RAP1GAP: variants seen among roughly 807,000 people sequenced by gnomAD.
The protein encoded by RAP1GAP is RAP1 GTPase activating protein.
Under a neutral mutation model 87.2 loss-of-function variants are expected in RAP1GAP, and 35 were observed. That is an observed-to-expected ratio of 0.40 (90% CI 0.31 to 0.53). The LOEUF is 0.53. Among genes scored for constraint, RAP1GAP ranks in the 20% least tolerant of loss-of-function variants. RAP1GAP has a pLI of 0.48. For missense variants in RAP1GAP, 734 were observed against 898.9 expected (o/e 0.82, Z 2.35); for synonymous variants, 375 against 363.9 (o/e 1.03, Z -0.35).
At position 21,601,738 on chromosome 1, in the gene RAP1GAP, T is replaced by G; in HGVS notation, c.1598A>C (p.Lys533Thr). 1 of 1,612,368 alleles carries G rather than the reference T, an allele frequency of 6.2e-7. No individual in the cohort carries two copies. Among genetic ancestry groups the G allele is most frequent in the Non-Finnish European group, 8.5e-7 (1 of 1,178,876 alleles). ...GCTCTGAGTGGATGAGTTCTCCGACTTGGGCTCCTGTGAGACGTGCCCGCT... is the reference window on the plus strand; with the variant it reads ...GCTCTGAGTGGATGAGTTCTCCGACGTGGGCTCCTGTGAGACGTGCCCGCT... ...PDSGHVSQEP[K>T]SENSSTQSSP... Residue 533 changes from lysine (K) to threonine (T), a missense_variant, in exon 20 of 25, where the codon AAG (lysine) becomes ACG (threonine). Coordinates refer to ENST00000374765, the MANE Select transcript of RAP1GAP (RefSeq NM_002885.4).
rs2088692994 is a variant in RAP1GAP, at chr1:21,622,333, C to T, written c.-18-2283G>A. On this transcript the variant is annotated intron_variant, in intron 3 of 24. Coordinates refer to ENST00000374765, the MANE Select transcript of RAP1GAP (RefSeq NM_002885.4). This position sits in a 1 kb window ranked among gnomAD's most constrained non-coding sequence, Gnocchi z 5.7. ...CTCCGCCATGCCGCCCCGCCCGGGT[C>T]CTCACCTGCCAGCTGGCCCCCGCGG... 1 of 495,398 alleles carries T rather than the reference C, an allele frequency of 2.0e-6. No homozygotes were observed. Among genetic ancestry groups the T allele is most frequent in the African/African-American group, 2.0e-5 (1 of 49,300 alleles). The allele number at this position is 495,398 out of a possible 1,614,324, so 30.7% of individuals were successfully genotyped here. A position where few individuals can be genotyped will look rare whatever the true frequency, so the allele number is the denominator to read the frequency against.
chr1:21,625,050 T>G (rs2091331284), intron 3 of RAP1GAP, among the ~76,000 whole-genome samples: 1 of 152,198 alleles, frequency 6.6e-6, no homozygotes, highest in Non-Finnish European at 1.5e-5. Context: ...CGGATCCACA[T>G]GCCCCAGTCT....
intron 2 of RAP1GAP, among the ~76,000 whole-genome samples, chr1:21,631,856 G>T (rs187186546): frequency 6.6e-6 from 1 of 152,116 alleles, no homozygotes; most frequent in Non-Finnish European, 1.5e-5. Flanking sequence ...CTTCCACAGC[G>T]TGCATCCCAC....
Position 21,651,719 on chromosome 1 carries a change from C to T in RAP1GAP, c.-148-1923G>A, listed in dbSNP as rs926186322. Reference sequence around the variant, plus strand: ...CGAGCACACCCCGCACGGGCTCCCCCCCACGCGTGCACACGCACACGCGCG... The same window carrying T: ...CGAGCACACCCCGCACGGGCTCCCCTCCACGCGTGCACACGCACACGCGCG... On this transcript the variant is annotated intron_variant, in intron 1 of 24. Transcript: ENST00000374765. 8 of 1,461,680 alleles carry T rather than the reference C, an allele frequency of 5.5e-6. No individual in the cohort carries two copies. The African/African-American group carries it at 8.4e-5, about 15-fold the overall frequency. The allele number at this position is 1,461,680 out of a possible 1,614,324, so 90.5% of individuals were successfully genotyped here. A position where few individuals can be genotyped will look rare whatever the true frequency, so the allele number is the denominator to read the frequency against.
chr1:21,602,618 G>A (rs535227529), intron 19 of RAP1GAP, among the ~76,000 whole-genome samples, 186 bp downstream of exon 19: 2 of 152,342 alleles, frequency 1.3e-5, no homozygotes, highest in East Asian at 1.9e-4. Flanking sequence ...ATCTGCATGT[G>A]GCACGTTAGG....
At chr1:21,617,285 C>G in intron 7 of RAP1GAP, 21 bp downstream of exon 7, 1 of 1,555,096 alleles carries the variant, frequency 6.4e-7, no homozygotes, top group Non-Finnish European at 8.7e-7. Flanking sequence ...GCCAGCCCCG[C>G]TGCACCAGCC....
intron 2 of RAP1GAP, among the ~76,000 whole-genome samples, chr1:21,636,906 A>C (rs1164630573): frequency 8.8e-6 from 1 of 114,276 alleles, no homozygotes; most frequent in Non-Finnish European, 1.8e-5. Flanking sequence ...GGAAGGAGGG[A>C]AGGAAGGAAG....
rs59476256 is a variant in RAP1GAP at position 21,634,058 on chromosome 1, CGGGG to C, written c.-112-7665_-112-7662del. 0.31 allele frequency among the ~76,000 whole-genome samples: 44,384 copies of C among 143,068 alleles called. 7,225 individuals are homozygous for C. The highest frequency in any genetic ancestry group is 0.49 in the East Asian group (2,294 of 4,714). The allele number at this position is 143,068 out of a possible 152,430, so 93.9% of individuals were successfully genotyped here. On this transcript the variant is annotated intron_variant, in intron 2 of 24. Transcript: ENST00000374765. This position sits in a 1 kb window ranked among gnomAD's most constrained non-coding sequence, Gnocchi z 4.1. ...TGGCTGCCCCAGAACTGCCCCCTCC[CGGGG>C]GGGGGGGGGGGCCACAGAAGCCCAT...
intron 2 of RAP1GAP, among the ~76,000 whole-genome samples, chr1:21,640,492 G>C (rs2095419294): frequency 1.3e-5 from 2 of 152,342 alleles, no homozygotes; most frequent in South Asian, 4.1e-4. Context: ...TGATGAAGCT[G>C]TCTCTACAAG....
rs1162815089 is a variant in RAP1GAP, at chr1:21,631,656, A to T, written c.-112-5259T>A. Among the ~76,000 whole-genome samples, 3 of 152,246 alleles carry T rather than the reference A, an allele frequency of 2.0e-5. No individual in the cohort carries two copies. In the East Asian group the frequency reaches 5.8e-4, roughly 29 times the overall value. Reference sequence around the variant, plus strand: ...AGCCGAGATTGCGCCATTGCACTCCAGCCTGGGCAACAAGAGCAAAACTCT... The same window carrying T: ...AGCCGAGATTGCGCCATTGCACTCCTGCCTGGGCAACAAGAGCAAAACTCT... On this transcript the variant is annotated intron_variant, in intron 2 of 24. Transcript: ENST00000374765.
At chr1:21,637,145 CTTTTTTTTTT>C (rs869047762) in intron 2 of RAP1GAP, among the ~76,000 whole-genome samples, 1 of 128,508 alleles carries the variant, frequency 7.8e-6, no homozygotes, top group African/African-American at 2.8e-5. Flanking sequence ...TCTTTTTTTT[CTTTTTTTTTT>C]TTTTTTTTGG....
intron 3 of RAP1GAP, among the ~76,000 whole-genome samples, chr1:21,620,881 C>G (rs1009753855): frequency 6.6e-6 from 1 of 152,128 alleles, no homozygotes; most frequent in Non-Finnish European, 1.5e-5. Flanking sequence ...CCATCTTTCT[C>G]CCTCCCCTCC....
chr1:21,613,271 G>T lies in RAP1GAP; in HGVS notation c.475-42C>A, dbSNP rs1330082673. On this transcript the variant is annotated intron_variant, in intron 9 of 24. Coordinates refer to ENST00000374765, the MANE Select transcript of RAP1GAP (RefSeq NM_002885.4). This position sits in a 1 kb window ranked among gnomAD's most constrained non-coding sequence, Gnocchi z 4.7. The stretch of plus-strand genomic sequence containing the variant: ...GGGAGGGGTGTGAGGTGTGGGGCCA[G>T]GGAGGAGAGGATGGGGCTGCCTGGG... 6.6e-7 allele frequency: 1 copy of T among 1,514,392 alleles called. No homozygotes were observed. The highest frequency in any genetic ancestry group is 9.2e-7 in the Non-Finnish European group (1 of 1,089,552). The allele number at this position is 1,514,392 out of a possible 1,614,324, so 93.8% of individuals were successfully genotyped here.
intron 4 of RAP1GAP, 69 bp from the exon 5 acceptor site, chr1:21,619,141 G>T: frequency 6.7e-7 from 1 of 1,488,876 alleles, no homozygotes; most frequent in Non-Finnish European, 9.2e-7. Flanking sequence ...CCTCCCCAAG[G>T]CGTGCAAGGG....
At position 21,622,125 on chromosome 1, in the gene RAP1GAP, T is replaced by G. The variant is rs1403557744; in HGVS notation, c.-18-2075A>C. On this transcript the variant is annotated intron_variant, in intron 3 of 24. Transcript: ENST00000374765. The surrounding 1 kb of genome is among the most constrained non-coding windows in gnomAD (Gnocchi z 5.7). ...CTGCCGCTGCAGCCCAGAGCCACAG[T>G]GCCACCCGGGAGGCCACAGCAAGAG... Among the ~76,000 whole-genome samples, 6 of 152,136 alleles carry G rather than the reference T, an allele frequency of 3.9e-5. No individual in the cohort carries two copies. Among genetic ancestry groups the G allele is most frequent in the African/African-American group, 1.4e-4 (6 of 41,446 alleles).
At chr1:21,646,309 C>T (rs2096055141) in intron 2 of RAP1GAP, among the ~76,000 whole-genome samples, 1 of 152,208 alleles carries the variant, frequency 6.6e-6, no homozygotes, top group Non-Finnish European at 1.5e-5. Flanking sequence ...CTACATCACT[C>T]CCCGCTCCTC....
Position 21,612,113 on chromosome 1 carries a change from C to T in RAP1GAP, c.529-4G>A, listed in dbSNP as rs775442419. 6.3e-5 allele frequency: 97 copies of T among 1,547,196 alleles called. No individual in the cohort carries two copies. The highest frequency in any genetic ancestry group is 1.2e-4 in the Admixed American group (6 of 51,034). ...AGGTGACGATGAGCCGGGAAGCCTG[C>T]AGGAGAGGACGCCGGGTGAAGAGGC... On this transcript the variant is annotated splice_region_variant and splice_polypyrimidine_tract_variant and intron_variant, in intron 10 of 24. Coordinates refer to ENST00000374765, the MANE Select transcript of RAP1GAP (RefSeq NM_002885.4).
Position 21,647,353 on chromosome 1 carries a change from A to G in RAP1GAP, c.-113+2408T>C, listed in dbSNP as rs537687700. ...ATGGCATGCACCTGTGGTCCCAACT[A>G]CTCAGGAGGCTGAGGCAAGAGATTC... is the stretch of plus-strand genomic sequence containing the variant. On this transcript the variant is annotated intron_variant, in intron 2 of 24. Coordinates refer to ENST00000374765, the MANE Select transcript of RAP1GAP (RefSeq NM_002885.4). 9.9e-5 allele frequency among the ~76,000 whole-genome samples: 15 copies of G among 152,204 alleles called. No individual in the cohort carries two copies. The South Asian group carries it at 3.1e-3, about 32-fold the overall frequency.
At chr1:21,623,652 G>C (rs925468617) in intron 3 of RAP1GAP, among the ~76,000 whole-genome samples, 1 of 152,254 alleles carries the variant, frequency 6.6e-6, no homozygotes, top group Admixed American at 6.5e-5. Context: ...CTTGAATCAG[G>C]TTTGGGCCTG....
Sources: gnomAD v4.1 joint callset for allele counts (sites outside exome capture counted in the v4.1 genomes callset) on GRCh38, gnomAD v4.1.1 for gene constraint, Gnocchi (gnomAD v3.1) non-coding constraint, MANE v1.5 for transcripts, NCBI Gene and HGNC (gene_info 2026-07-23, HGNC 2026-07-21) for gene names.